The following COG7 variants were observed in gnomAD, a reference collection of about 807,000 sequenced individuals.
COG7 encodes the protein conserved oligomeric Golgi complex subunit 7.
In COG7, 49 loss-of-function variants were observed where a neutral mutation model predicts 91.5. That is an observed-to-expected ratio of 0.54 (90% CI 0.43 to 0.68). The LOEUF (loss-of-function observed/expected upper bound fraction) is 0.68, where lower values mean the gene tolerates loss of function less well. Among genes scored for constraint, COG7 ranks in the 30% least tolerant of loss-of-function variants. The pLI, the probability that COG7 is intolerant of heterozygous loss-of-function variation, is 0.00. For synonymous variants in COG7, 365 were observed against 388.7 expected (o/e 0.94, Z 0.72); for missense variants, 895 against 961.3 (o/e 0.93, Z 0.91).
At chr16:23,423,527 T>G (rs1963794654) in intron 7 of COG7, among the ~76,000 whole-genome samples, 1 of 152,144 alleles carries the variant, frequency 6.6e-6, no homozygotes, top group South Asian at 2.1e-4. Context: ...CTTAGCCACT[T>G]CCACAAAGGC....
intron 6 of COG7, among the ~76,000 whole-genome samples, chr16:23,429,718 C>T (rs555082149): frequency 1.2e-4 from 18 of 152,082 alleles, no homozygotes; most frequent in East Asian, 3.9e-4. Context: ...GAGCCAAGAT[C>T]GTGCCACTGT....
chr16:23,445,855 C>T lies in COG7; in HGVS notation c.276G>A (p.Glu92=). The change falls in exon 2 of 17, where the codon GAG becomes GAA. Residue 92 remains glutamate, a synonymous_variant. Coordinates refer to ENST00000307149, the MANE Select transcript of COG7 (RefSeq NM_153603.4). The stretch of plus-strand genomic sequence containing the variant: ...TGTCCTGTTCAAATTTTTTAATGTC[C>T]TCCTTGACAAGAATCATCTGTTCTT... ...FLKEQMILVK[E]DIKKFEQDTS... 6.2e-7 allele frequency: 1 copy of T among 1,613,952 alleles called. No individual in the cohort carries two copies.
intron 6 of COG7, among the ~76,000 whole-genome samples, chr16:23,427,873 A>G (rs976900383): frequency 2.6e-5 from 4 of 152,134 alleles, no homozygotes; most frequent in Non-Finnish European, 5.9e-5. Flanking sequence ...CGTTATTTTT[A>G]AATGTTATTT....
At chr16:23,443,348 C>G (rs1049222957) in intron 3 of COG7, among the ~76,000 whole-genome samples, 1 of 151,866 alleles carries the variant, frequency 6.6e-6, no homozygotes. Context: ...GAGTTCAAGA[C>G]CAGCCTGACC....
chr16:23,406,278 TG>T lies in COG7; in HGVS notation c.1476-17del. The T allele has an allele frequency of 6.2e-7, 1 of 1,607,194 alleles. No individual in the cohort carries two copies. The highest frequency in any genetic ancestry group is 8.5e-7 in the Non-Finnish European group (1 of 1,173,976). On this transcript the variant is annotated splice_polypyrimidine_tract_variant and intron_variant, in intron 11 of 16. Coordinates refer to ENST00000307149, the MANE Select transcript of COG7 (RefSeq NM_153603.4). ...GGACAAAATCCTGTAATGAAAGGAA[TG>T]ACCATTATGCCCTGAGCTATTTGCA...
chr16:23,438,247 C>A (rs182712056), intron 4 of COG7, among the ~76,000 whole-genome samples: 52 of 151,848 alleles, frequency 3.4e-4, no homozygotes, highest in African/African-American at 1.2e-3. Flanking sequence ...CAGCAAAAAA[C>A]CAAATAACCC....
Position 23,392,383 on chromosome 16 carries a change from T to A in COG7, c.2143A>T (p.Ile715Phe). The A allele has an allele frequency of 6.2e-7, 1 of 1,614,166 alleles. No individual in the cohort carries two copies. Among genetic ancestry groups the A allele is most frequent in the South Asian group, 1.1e-5 (1 of 91,084 alleles). ...CGCCTGTCTTGTGGGGACCCACCGA[T>A]GTCAGTGGCCAGCTGCTTGGCAGAG... The part of the protein sequence containing the change: ...PHSAKQLATD[I>F]DYLINVMDAL... The change falls in exon 16 of 17, where the codon ATC (isoleucine) becomes TTC (phenylalanine). Residue 715 changes from isoleucine (I) to phenylalanine (F), a missense_variant. Coordinates refer to ENST00000307149, the MANE Select transcript of COG7 (RefSeq NM_153603.4).
At chr16:23,403,956 C>T in intron 12 of COG7, 122 bp from the exon 13 acceptor site, 1 of 1,141,948 alleles carries the variant, frequency 8.8e-7, no homozygotes, top group Non-Finnish European at 1.3e-6. Context: ...GGTTCCCAAA[C>T]CTGGCTGTGC....
chr16:23,389,164 T>C, intron 16 of COG7, 78 bp from the exon 17 acceptor site: 4 of 1,544,448 alleles, frequency 2.6e-6, no homozygotes, highest in Non-Finnish European at 3.5e-6. Context: ...GGGCCTCCCC[T>C]GAATACGACA....
intron 8 of COG7, among the ~76,000 whole-genome samples, chr16:23,418,461 A>G (rs1011322763): frequency 6.6e-6 from 1 of 152,194 alleles, no homozygotes; most frequent in Non-Finnish European, 1.5e-5. Context: ...GTTGTAATCA[A>G]TCGCACCACT....
At chr16:23,405,288 G>C (rs1331997740) in intron 12 of COG7, among the ~76,000 whole-genome samples, 1 of 152,092 alleles carries the variant, frequency 6.6e-6, no homozygotes, top group Non-Finnish European at 1.5e-5. Flanking sequence ...CTTCTCCCTT[G>C]GAAAAGAGTA....
At chr16:23,419,761 A>AAAAAAAAAAG (rs1963722835) in intron 7 of COG7, among the ~76,000 whole-genome samples, 1 of 150,790 alleles carries the variant, frequency 6.6e-6, no homozygotes, top group African/African-American at 2.4e-5. Context: ...AAAAAAAAAA[A>AAAAAAAAAAG]AAAAAAGAAC....
chr16:23,432,069 C>T (rs1963943998), intron 6 of COG7, among the ~76,000 whole-genome samples: 1 of 152,024 alleles, frequency 6.6e-6, no homozygotes, highest in Admixed American at 6.6e-5. Context: ...ACAGCTTGAA[C>T]CCAGGAGGCC....
intron 12 of COG7, among the ~76,000 whole-genome samples, chr16:23,405,393 G>A (rs1051379635): frequency 7.2e-5 from 11 of 152,124 alleles, no homozygotes; most frequent in African/African-American, 2.7e-4. Context: ...CCCCTCTCAG[G>A]AGGCTGACCC....
intron 13 of COG7, among the ~76,000 whole-genome samples, chr16:23,401,122 T>C (rs1963369976): frequency 6.6e-6 from 1 of 152,218 alleles, no homozygotes; most frequent in Admixed American, 6.5e-5. Flanking sequence ...ATAGGTAAAC[T>C]TCAATAATCC....
chr16:23,398,026 A>C lies in COG7; in HGVS notation c.1887+20T>G. 6.2e-7 allele frequency: 1 copy of C among 1,606,242 alleles called. No homozygotes were observed. Among genetic ancestry groups the C allele is most frequent in the Non-Finnish European group, 8.5e-7 (1 of 1,172,842 alleles). On this transcript the variant is annotated intron_variant, in intron 14 of 16. Coordinates refer to ENST00000307149, the MANE Select transcript of COG7 (RefSeq NM_153603.4). Reference sequence around the variant, plus strand: ...CTGAAAGACTTGGACCACCCTGGAGAAGCACACAGAAGCTCTTACGTTGCT... The same window carrying C: ...CTGAAAGACTTGGACCACCCTGGAGCAGCACACAGAAGCTCTTACGTTGCT...
intron 3 of COG7, among the ~76,000 whole-genome samples, chr16:23,443,722 G>A (rs1964138126): frequency 6.6e-6 from 1 of 151,982 alleles, no homozygotes; most frequent in African/African-American, 2.4e-5. Flanking sequence ...ATAGATTGTT[G>A]AGTGAAAAAA....
intron 2 of COG7, 61 bp downstream of exon 2, chr16:23,445,752 T>C (rs1303860720): frequency 1.9e-6 from 3 of 1,561,460 alleles, no homozygotes; most frequent in African/African-American, 2.7e-5. Flanking sequence ...CTTACGAGAG[T>C]GACCACCTTC....
intron 13 of COG7, among the ~76,000 whole-genome samples, chr16:23,403,294 C>A (rs1288766358): frequency 6.6e-6 from 1 of 152,200 alleles, no homozygotes; most frequent in Non-Finnish European, 1.5e-5. Context: ...ATAAGGTACT[C>A]CCCTGAGTAA....
Sources: gnomAD v4.1 joint callset for allele counts (sites outside exome capture counted in the v4.1 genomes callset) on GRCh38, gnomAD v4.1.1 for gene constraint, MANE v1.5 for transcripts, NCBI Gene and HGNC (gene_info 2026-07-23, HGNC 2026-07-21) for gene names.